PCTP: variants seen among roughly 807,000 people sequenced by gnomAD.
The protein encoded by PCTP is phosphatidylcholine transfer protein.
Under a neutral mutation model 31.0 loss-of-function variants are expected in PCTP, and 27 were observed. The ratio of observed to expected loss-of-function variants is 0.87; its 90% CI spans 0.64 to 1.20. The LOEUF (loss-of-function observed/expected upper bound fraction) is 1.20, where lower values mean the gene tolerates loss of function less well. Ranked by LOEUF, PCTP falls within the 50% of genes most tolerant of loss-of-function variation. The pLI is 0.00. For missense variants in PCTP, 287 were observed against 268.2 expected (o/e 1.07, Z -0.49); for synonymous variants, 108 against 101.2 (o/e 1.07, Z -0.40).
chr17:55,825,940 T>C (rs1232737603), downstream of PCTP, among the ~76,000 whole-genome samples: 2 of 152,248 alleles, frequency 1.3e-5, no homozygotes, highest in African/African-American at 4.8e-5. Flanking sequence ...AAGATGATAC[T>C]GTGCTTACCT....
chr17:55,849,474 A>G, the PCTP span, among the ~76,000 whole-genome samples: 1 of 151,856 alleles, frequency 6.6e-6, no homozygotes, highest in Non-Finnish European at 1.5e-5. Context: ...AATACAATAA[A>G]TGGCTGGGGG....
chr17:55,839,308 T>C (rs1207645889), intron 5 of PCTP, among the ~76,000 whole-genome samples: 1 of 152,176 alleles, frequency 6.6e-6, no homozygotes, highest in African/African-American at 2.4e-5. Context: ...AGCTATTTAT[T>C]GGGCCAGGAT....
intron 3 of PCTP, among the ~76,000 whole-genome samples, chr17:55,789,359 A>G (rs1463288712): frequency 1.3e-5 from 2 of 152,204 alleles, no homozygotes; most frequent in Non-Finnish European, 2.9e-5. Context: ...TTCATCCATA[A>G]CCTTCAAGTT....
At chr17:55,845,617 G>T (rs1023894947), downstream of PCTP, among the ~76,000 whole-genome samples, 1 of 151,926 alleles carries the variant, frequency 6.6e-6, no homozygotes, top group African/African-American at 2.4e-5. Flanking sequence ...CCCCCACCCC[G>T]CCGTGGGAGG....
chr17:55,756,657 T>C (rs1327599798), intron 1 of PCTP, among the ~76,000 whole-genome samples: 1 of 152,184 alleles, frequency 6.6e-6, no homozygotes, highest in Non-Finnish European at 1.5e-5. Flanking sequence ...CTTTCGTGTA[T>C]GTTTGAAATC....
At chr17:55,843,803 A>G (rs940133667), downstream of PCTP, among the ~76,000 whole-genome samples, 1 of 152,222 alleles carries the variant, frequency 6.6e-6, no homozygotes, top group Non-Finnish European at 1.5e-5. Flanking sequence ...CTTAGTATAT[A>G]TAGTGGCTCA....
intron 3 of PCTP, among the ~76,000 whole-genome samples, chr17:55,798,263 A>G (rs1001953553): frequency 1.3e-5 from 2 of 152,016 alleles, no homozygotes; most frequent in African/African-American, 4.8e-5. Context: ...CAATCTCATA[A>G]GAGTGAAGAG....
chr17:55,824,694 G>T (rs1905337268), downstream of PCTP, among the ~76,000 whole-genome samples: 1 of 152,158 alleles, frequency 6.6e-6, no homozygotes, highest in African/African-American at 2.4e-5. Context: ...TCTCCTTGCA[G>T]AACAAATTTA....
chr17:55,844,203 G>A (rs1172850237), downstream of PCTP, among the ~76,000 whole-genome samples: 1 of 152,172 alleles, frequency 6.6e-6, no homozygotes, highest in East Asian at 1.9e-4. Context: ...TTTGATCTAA[G>A]ATGGACCAGC....
chr17:55,771,912 G>T (rs1049271519), intron 3 of PCTP, among the ~76,000 whole-genome samples: 5 of 152,030 alleles, frequency 3.3e-5, no homozygotes, highest in African/African-American at 1.2e-4. Context: ...TCCCAGCAGC[G>T]GAGTGTTTTA....
chr17:55,845,085 CAAAAAAAAA>C (rs891404386), downstream of PCTP, among the ~76,000 whole-genome samples: 3,715 of 32,462 alleles, frequency 0.11, 95 homozygotes, highest in Middle Eastern at 0.26. Flanking sequence ...AAAACTCCAT[CAAAAAAAAA>C]AAAAAAAAAA....
chr17:55,755,950 T>A (rs182943535), intron 1 of PCTP, among the ~76,000 whole-genome samples: 4 of 152,350 alleles, frequency 2.6e-5, no homozygotes, highest in East Asian at 1.9e-4. Context: ...ATAAACTCAG[T>A]ACCAAATACA....
At chr17:55,784,060 G>A (rs1324856001) in intron 2 of PCTP, among the ~76,000 whole-genome samples, 1 of 152,136 alleles carries the variant, frequency 6.6e-6, no homozygotes, top group East Asian at 1.9e-4. Flanking sequence ...GACAGCATGC[G>A]TTTCCTCTTG....
At chr17:55,778,895 G>A (rs1245338694), downstream of PCTP, among the ~76,000 whole-genome samples, 1 of 152,156 alleles carries the variant, frequency 6.6e-6, no homozygotes, top group Non-Finnish European at 1.5e-5. Context: ...TGGAACCGAG[G>A]AGTTCCAGCA....
chr17:55,819,820 T>C (rs1215448000), intron 3 of PCTP, among the ~76,000 whole-genome samples: 1 of 152,198 alleles, frequency 6.6e-6, no homozygotes, highest in African/African-American at 2.4e-5. Flanking sequence ...TGAGGATTGA[T>C]ATATAAATCA....
intron 1 of PCTP, among the ~76,000 whole-genome samples, chr17:55,764,994 A>C (rs1447456761): frequency 6.6e-6 from 1 of 152,240 alleles, no homozygotes; most frequent in African/African-American, 2.4e-5. Flanking sequence ...GTGATGGGGC[A>C]ACTCTAGGCC....
intron 3 of PCTP, among the ~76,000 whole-genome samples, chr17:55,803,157 T>C (rs560926982): frequency 2.6e-4 from 39 of 152,150 alleles, no homozygotes; most frequent in Non-Finnish European, 4.9e-4. Flanking sequence ...TACAAGGGAT[T>C]TGAAGGACCA....
chr17:55,776,242 GT>G lies in PCTP; in HGVS notation c.*145del. On this transcript the variant is annotated 3_prime_UTR_variant, in exon 6 of 6. Transcript: ENST00000268896. Reference sequence around the variant, plus strand: ...CACCACTGTTCAGCCTTCCCCTGCTGTTTCTGTCTTCAGAGGCCTACACACT... The same window carrying G: ...CACCACTGTTCAGCCTTCCCCTGCTGTTCTGTCTTCAGAGGCCTACACACT... 1 of 1,454,512 alleles carries G rather than the reference GT, an allele frequency of 6.9e-7. No homozygotes were observed. Among genetic ancestry groups the G allele is most frequent in the South Asian group, 1.5e-5 (1 of 67,338 alleles). The allele number at this position is 1,454,512 out of a possible 1,614,324, so 90.1% of individuals were successfully genotyped here.
intron 3 of PCTP, among the ~76,000 whole-genome samples, chr17:55,796,801 G>A (rs1156972152): frequency 2.0e-5 from 3 of 150,382 alleles, no homozygotes; most frequent in Non-Finnish European, 4.4e-5. Context: ...TTAAGATGGG[G>A]AAAAGTAAAT....
Sources: allele counts gnomAD v4.1 joint callset (sites outside exome capture counted in the v4.1 genomes callset), GRCh38; gene constraint gnomAD v4.1.1; transcripts MANE v1.5; gene names NCBI Gene and HGNC (gene_info 2026-07-23, HGNC 2026-07-21).